The following STAG1 variants were observed in gnomAD, a reference collection of about 807,000 sequenced individuals.
The protein encoded by STAG1 is STAG1 cohesin complex component.
In STAG1, 26 loss-of-function variants were observed where a neutral mutation model predicts 170.9. That is an observed-to-expected ratio of 0.15 (90% CI 0.11 to 0.21). The LOEUF (loss-of-function observed/expected upper bound fraction) is 0.21, where lower values mean the gene tolerates loss of function less well. Ranked by LOEUF, STAG1 falls within the 10% of genes least tolerant of loss-of-function variation. The pLI is 1.00. For missense variants in STAG1, 964 were observed against 1,509.5 expected (o/e 0.64, Z 5.99); for synonymous variants, 514 against 497.7 (o/e 1.03, Z -0.44).
At chr3:136,681,146 CCA>C (rs1270604144) in intron 1 of STAG1, among the ~76,000 whole-genome samples, 1 of 152,020 alleles carries the variant, frequency 6.6e-6, no homozygotes, top group Non-Finnish European at 1.5e-5. Context: ...TATTTTCTAC[CCA>C]CAGTTGGCTG....
chr3:136,388,820 A>G (rs2086932680), intron 22 of STAG1, among the ~76,000 whole-genome samples: 1 of 152,242 alleles, frequency 6.6e-6, no homozygotes, highest in African/African-American at 2.4e-5. Context: ...ATTAAGCAGG[A>G]TAAGATACCC....
At chr3:136,486,959 C>G (rs1482948001) in intron 9 of STAG1, among the ~76,000 whole-genome samples, 1 of 124,796 alleles carries the variant, frequency 8.0e-6, no homozygotes, top group Non-Finnish European at 1.6e-5. Context: ...TCTCAGAACA[C>G]AGGTTCTCTG....
At chr3:136,528,012 A>T (rs1277391936) in intron 6 of STAG1, among the ~76,000 whole-genome samples, 1 of 152,154 alleles carries the variant, frequency 6.6e-6, no homozygotes, top group African/African-American at 2.4e-5. Context: ...GATGCCTCCC[A>T]GTTAGGCTAC....
At chr3:136,713,785 G>A (rs1415591070) in intron 1 of STAG1, among the ~76,000 whole-genome samples, 1 of 152,018 alleles carries the variant, frequency 6.6e-6, no homozygotes, top group East Asian at 1.9e-4. Context: ...CGCTTTGGGA[G>A]GCCACAATGG....
chr3:136,704,618 A>AG (rs1943173166), intron 1 of STAG1, among the ~76,000 whole-genome samples: 1 of 150,958 alleles, frequency 6.6e-6, no homozygotes, highest in Non-Finnish European at 1.5e-5. Context: ...ACTTGAGCTC[A>AG]GGGGTTCCAG....
chr3:136,338,117 A>G lies in STAG1; in HGVS notation c.*137T>C. On this transcript the variant is annotated 3_prime_UTR_variant, in exon 34 of 34. Transcript: ENST00000383202. ...ATGCTCCTCTTCTGTCACTGCAAAA[A>G]GGGATTGACCTTAATCATTTGATTA... 1.6e-6 allele frequency: 1 copy of G among 631,644 alleles called. No homozygotes were observed. The highest frequency in any genetic ancestry group is 2.8e-6 in the Non-Finnish European group (1 of 354,744). 39.1% of individuals were successfully genotyped at this position (631,644 alleles called of 1,614,324 possible). A position where few individuals can be genotyped will look rare whatever the true frequency, so the allele number is the denominator to read the frequency against.
In STAG1 at chr3:136,685,368, AAATGAACCCAAT is replaced by A. The variant is rs557079021; in HGVS notation, c.-83-54399_-83-54388del. 2.7e-3 allele frequency among the ~76,000 whole-genome samples: 410 copies of A among 152,270 alleles called. 2 individuals are homozygous for A. Among genetic ancestry groups the A allele is most frequent in the African/African-American group, 9.6e-3 (398 of 41,562 alleles). ...AAACAAACAAAAGCCCTCACCAAGA[AAATGAACCCAAT>A]AATGATGAGCCAGACCTTAAACAGA... is the stretch of plus-strand genomic sequence containing the variant. On this transcript the variant is annotated intron_variant, in intron 1 of 33. Transcript: ENST00000383202.
chr3:136,733,730 C>G (rs1256982452), intron 1 of STAG1, among the ~76,000 whole-genome samples: 1 of 152,130 alleles, frequency 6.6e-6, no homozygotes, highest in East Asian at 1.9e-4. Context: ...CATTGTTTTC[C>G]CAACAGTTAA....
At chr3:136,573,275 G>A (rs1937335169) in intron 4 of STAG1, among the ~76,000 whole-genome samples, 1 of 152,120 alleles carries the variant, frequency 6.6e-6, no homozygotes, top group African/African-American at 2.4e-5. Flanking sequence ...ACTGTTAGAA[G>A]CATTGCCAAG....
At chr3:136,354,253 A>G (rs1329897530) in intron 28 of STAG1, among the ~76,000 whole-genome samples, 1 of 152,216 alleles carries the variant, frequency 6.6e-6, no homozygotes, top group African/African-American at 2.4e-5. Context: ...ATAGAATTAA[A>G]GTTTCTGTAT....
chr3:136,705,791 G>T (rs540920830), intron 1 of STAG1, among the ~76,000 whole-genome samples: 1 of 152,082 alleles, frequency 6.6e-6, no homozygotes, highest in African/African-American at 2.4e-5. Flanking sequence ...CCCAGTCTCA[G>T]GTTTGTCTTT....
At chr3:136,740,152 G>A (rs1934585296) in intron 1 of STAG1, among the ~76,000 whole-genome samples, 1 of 152,130 alleles carries the variant, frequency 6.6e-6, no homozygotes, top group Non-Finnish European at 1.5e-5. Flanking sequence ...TCGGGAGGCT[G>A]AGGCACAAGA....
chr3:136,732,118 A>G (rs1017049029), intron 1 of STAG1, among the ~76,000 whole-genome samples: 1 of 152,096 alleles, frequency 6.6e-6, no homozygotes, highest in Non-Finnish European at 1.5e-5. Flanking sequence ...AATCAATCAA[A>G]GACACACAGT....
Position 136,464,867 on chromosome 3 carries a change from G to C in STAG1, c.1313+14C>G. The C allele has an allele frequency of 6.2e-7, 1 of 1,601,608 alleles. No homozygotes were observed. Among genetic ancestry groups the C allele is most frequent in the Non-Finnish European group, 8.5e-7 (1 of 1,173,358 alleles). On this transcript the variant is annotated intron_variant, in intron 13 of 33. Coordinates refer to ENST00000383202, the MANE Select transcript of STAG1 (RefSeq NM_005862.3). ...TAGAAAAGTAGAACCGGTTTTCAAA[G>C]ATAATTAGCTCACTTTTTGTGAAGG...
Position 136,504,675 on chromosome 3 carries a change from C to T in STAG1, c.677-1896G>A, listed in dbSNP as rs117289761. On this transcript the variant is annotated intron_variant, in intron 7 of 33. Transcript: ENST00000383202. ...CACCCAAAGGAGCTTAATTCAGTAT[C>T]TACCTCTACATACCTAACGCAAAAT... 1.4e-3 allele frequency among the ~76,000 whole-genome samples: 214 copies of T among 152,312 alleles called. 3 individuals carry two copies. In the East Asian group the frequency reaches 0.041, roughly 29 times the overall value.
chr3:136,691,307 C>T lies in STAG1; in HGVS notation c.-83-60326G>A, dbSNP rs1298771289. 2.6e-5 allele frequency among the ~76,000 whole-genome samples: 4 copies of T among 151,968 alleles called. No individual in the cohort carries two copies. In the South Asian group the frequency reaches 8.3e-4, roughly 32 times the overall value. The stretch of plus-strand genomic sequence containing the variant: ...AAAATTAGCTGGGCTTGGTGACAGA[C>T]GCCTGTAGTCCCAGCTACTCGGGAG... On this transcript the variant is annotated intron_variant, in intron 1 of 33. Coordinates refer to ENST00000383202, the MANE Select transcript of STAG1 (RefSeq NM_005862.3).
At chr3:136,674,260 G>A (rs1942070450) in intron 1 of STAG1, among the ~76,000 whole-genome samples, 2 of 151,722 alleles carry the variant, frequency 1.3e-5, no homozygotes, top group Non-Finnish European at 1.5e-5. Context: ...TGTCCAAAAA[G>A]TGAATGAATA....
In STAG1 at chr3:136,341,201, GC is replaced by G. The variant is rs1162237200; in HGVS notation, c.3557+239del. Among the ~76,000 whole-genome samples, 6 of 152,204 alleles carry G rather than the reference GC, an allele frequency of 3.9e-5. 1 individual carries two copies. In the East Asian group the frequency reaches 7.7e-4, roughly 20 times the overall value. On this transcript the variant is annotated intron_variant, in intron 31 of 33. Coordinates refer to ENST00000383202, the MANE Select transcript of STAG1 (RefSeq NM_005862.3). ...CTGGGATTACAGGCGGAGCCACCGC[GC>G]CTAGCCAGCACAGATGTTTTAGAGC...
intron 1 of STAG1, among the ~76,000 whole-genome samples, chr3:136,669,313 CGTTGTTGTTTTTT>C (rs1358701966): frequency 6.6e-6 from 1 of 152,066 alleles, no homozygotes; most frequent in Non-Finnish European, 1.5e-5. Flanking sequence ...CATTAATGGT[CGTTGTTGTTTTTT>C]GTTGTTGTTT....
Sources: allele counts gnomAD v4.1 joint callset (sites outside exome capture counted in the v4.1 genomes callset), GRCh38; gene constraint gnomAD v4.1.1; transcripts MANE v1.5; gene names NCBI Gene and HGNC (gene_info 2026-07-23, HGNC 2026-07-21).